The following CLDN19 variants were observed in gnomAD, a reference collection of about 807,000 sequenced individuals.
CLDN19 encodes claudin-19.
CLDN19 carries 19 observed loss-of-function variants against 24.5 expected under a neutral mutation model. The observed-to-expected ratio is 0.78, with a 90% CI of 0.54 to 1.14. CLDN19 has a LOEUF of 1.14. Among genes scored for constraint, CLDN19 ranks in the 50% most tolerant of loss-of-function variants. The pLI is 0.00. For synonymous variants in CLDN19, 117 were observed against 129.6 expected, an observed-to-expected ratio of 0.90 and a Z score of 0.66; for missense variants, 250 against 295.9, an observed-to-expected ratio of 0.84 and a Z score of 1.14.
rs555514529 is a variant in CLDN19 at position 42,739,491 on chromosome 1, G to C, written c.223+350C>G. Among the ~76,000 whole-genome samples the C allele has an allele frequency of 3.9e-5, 6 of 152,352 alleles. No individual in the cohort carries two copies. In the South Asian group the frequency reaches 1.2e-3, roughly 32 times the overall value. On this transcript the variant is annotated intron_variant, in intron 1 of 4. Transcript: ENST00000296387. ...AGTGTGTGTCTGTCTACTGACTGTG[G>C]GGAGAAGTGGATGAAGGGTCTTAAC...
At chr1:42,735,279 G>C (rs544224952) in intron 4 of CLDN19, 145 bp from the exon 5 acceptor site, 21 of 1,529,710 alleles carry the variant, frequency 1.4e-5, no homozygotes, top group Middle Eastern at 2.3e-4. Flanking sequence ...GCCCATTCCC[G>C]GGGGCAGGGG....
At chr1:42,738,383 G>A (rs1188352302) in intron 2 of CLDN19, 38 bp downstream of exon 2, 1 of 1,613,662 alleles carries the variant, frequency 6.2e-7, no homozygotes, top group Admixed American at 1.7e-5. Flanking sequence ...GGGGCTGCCT[G>A]CCATGGTTGT....
rs760579671 is a variant in CLDN19, at chr1:42,740,077, G to A, written c.-14C>T. ...TGAGTTGGCCATGGCCCAGGAGAGA[G>A]GACCGAGGGTCCCAGGACTCAGAGC... On this transcript the variant is annotated 5_prime_UTR_variant, in exon 1 of 5. Transcript: ENST00000296387. The A allele has an allele frequency of 7.1e-6, 11 of 1,546,326 alleles. No homozygotes were observed. The highest frequency in any genetic ancestry group is 1.4e-5 in the African/African-American group (1 of 73,012).
rs986353018 is a variant in CLDN19, at chr1:42,739,718, G to T, written c.223+123C>A. The T allele has an allele frequency of 1.2e-5, 10 of 827,454 alleles. No individual in the cohort carries two copies. The South Asian group carries it at 1.5e-4, about 12-fold the overall frequency. 51.3% of individuals were successfully genotyped at this position (827,454 alleles called of 1,614,324 possible). A position where few individuals can be genotyped will look rare whatever the true frequency, so the allele number is the denominator to read the frequency against. ...CAATGGGCACAGGGCAGTAGTGGGG[G>T]AATTGTAGAGCGGAGGCTGGAGGTT... On this transcript the variant is annotated intron_variant, in intron 1 of 4. Coordinates refer to ENST00000296387, the MANE Select transcript of CLDN19 (RefSeq NM_148960.3).
chr1:42,735,707 T>TG, intron 4 of CLDN19, 171 bp downstream of exon 4: 1 of 1,457,044 alleles, frequency 6.9e-7, no homozygotes, highest in South Asian at 1.4e-5. Flanking sequence ...TCTGAGGATC[T>TG]GGGTCTCAGA....
At position 42,735,970 on chromosome 1, in the gene CLDN19, G is replaced by A. The variant is rs140842024; in HGVS notation, c.534C>T (p.Gly178=). The A allele has an allele frequency of 7.4e-5, 117 of 1,574,300 alleles. 1 individual carries two copies. Among genetic ancestry groups the A allele is most frequent in the African/African-American group, 3.4e-4 (25 of 74,280 alleles). The change falls in exon 4 of 5, where the codon GGC becomes GGT. Residue 178 remains glycine, a synonymous_variant. Transcript: ENST00000296387. ...GWASAGLAVL[G]GSFLCCTCPE... is the part of the protein sequence containing the mutation. ...GGCATGTGCAGCAGAGGAAGGAGCC[G>A]CCCAGCACGGCCAGGCCAGCTGAGG...
Position 42,738,495 on chromosome 1 carries a change from G to C in CLDN19, c.314C>G (p.Thr105Arg). 2 of 1,614,030 alleles carry C rather than the reference G, an allele frequency of 1.2e-6. No homozygotes were observed. Among genetic ancestry groups the C allele is most frequent in the Non-Finnish European group, 1.7e-6 (2 of 1,180,040 alleles). Reference protein sequence around the residue: ...MVLSVVGMKCTRVGDSNPIAK... With the variant: ...MVLSVVGMKCRRVGDSNPIAK... Reference sequence around the variant, plus strand: ...AATGGGGTTGCTGTCTCCCACCCGCGTACACTTCATGCCAACTACGCTGAG... The same window carrying C: ...AATGGGGTTGCTGTCTCCCACCCGCCTACACTTCATGCCAACTACGCTGAG... Residue 105 changes from threonine to arginine, a missense_variant, in exon 2 of 5, where the codon ACG becomes AGG. Transcript: ENST00000296387.
Position 42,736,030 on chromosome 1 carries a change from C to A in CLDN19, c.474G>T (p.Arg158Ser). ...FFNPSTPVNA[R>S]YEFGPALFVG... Reference sequence around the variant, plus strand: ...CGAACAGGGCTGGGCCAAATTCATACCTGCAAGGGGTAGGGAGAGTGGCAT... The same window carrying A: ...CGAACAGGGCTGGGCCAAATTCATAACTGCAAGGGGTAGGGAGAGTGGCAT... The change falls in exon 4 of 5, where the codon AGG (arginine) becomes AGT (serine). Residue 158 changes from arginine to serine, a missense_variant and splice_region_variant. Transcript: ENST00000296387. 1.9e-6 allele frequency: 3 copies of A among 1,569,058 alleles called. No homozygotes were observed. Among genetic ancestry groups the A allele is most frequent in the Non-Finnish European group, 2.6e-6 (3 of 1,156,120 alleles).
chr1:42,735,568 G>T, intron 4 of CLDN19: 2 of 1,422,618 alleles, frequency 1.4e-6, no homozygotes, highest in Non-Finnish European at 1.8e-6. Context: ...TGAGTAAACA[G>T]CCGGGCTGGT....
At chr1:42,736,392 A>C (rs1409011858) in intron 3 of CLDN19, among the ~76,000 whole-genome samples, 1 of 151,860 alleles carries the variant, frequency 6.6e-6, no homozygotes. Context: ...GTTTTTTCCC[A>C]GTCACATTCT....
At chr1:42,735,252 C>G in intron 4 of CLDN19, 118 bp from the exon 5 acceptor site, 1 of 1,557,922 alleles carries the variant, frequency 6.4e-7, no homozygotes, top group South Asian at 1.2e-5. Context: ...TTGGCCCTCA[C>G]AGCAGCCCTG....
chr1:42,735,060 G>A lies in CLDN19; in HGVS notation c.*26C>T, dbSNP rs748064968. On this transcript the variant is annotated 3_prime_UTR_variant, in exon 5 of 5. Transcript: ENST00000296387. Reference sequence around the variant, plus strand: ...AACACACAGTCTAGGTATGGCAGGGGACAGAGCCTGGCTGGGGACTGGACA... The same window carrying A: ...AACACACAGTCTAGGTATGGCAGGGAACAGAGCCTGGCTGGGGACTGGACA... The A allele has an allele frequency of 6.5e-7, 1 of 1,545,096 alleles. No homozygotes were observed. Among genetic ancestry groups the A allele is most frequent in the Admixed American group, 1.7e-5 (1 of 59,774 alleles).
chr1:42,736,209 A>G (rs1410030396), intron 3 of CLDN19, among the ~76,000 whole-genome samples, 179 bp from the exon 4 acceptor site: 6 of 152,064 alleles, frequency 3.9e-5, no homozygotes, highest in Admixed American at 3.3e-4. Context: ...CCCCCAGCCC[A>G]GAATATCAAC....
At chr1:42,739,790 T>C (rs1278927349) in intron 1 of CLDN19, 51 bp downstream of exon 1, 1 of 1,506,038 alleles carries the variant, frequency 6.6e-7, no homozygotes, top group Admixed American at 1.7e-5. Flanking sequence ...TGCTCCAGAC[T>C]CCCCTGCTGT....
At chr1:42,737,389 C>A in intron 3 of CLDN19, among the ~76,000 whole-genome samples, 1 of 152,218 alleles carries the variant, frequency 6.6e-6, no homozygotes, top group Non-Finnish European at 1.5e-5. Flanking sequence ...GCAAGGCCCT[C>A]CACGATCTGC....
rs1237543232 is a variant in CLDN19, at chr1:42,738,268, G to T, written c.434C>A (p.Thr145Asn). 1.9e-6 allele frequency: 3 copies of T among 1,613,910 alleles called. No individual in the cohort carries two copies. The South Asian group carries it at 3.3e-5, about 18-fold the overall frequency. The change falls in exon 3 of 5, where the codon ACC becomes AAC. Residue 145 changes from threonine to asparagine, a missense_variant. Thr to Asn is a moderately conservative substitution (Grantham distance 65). Transcript: ENST00000296387. ...TAVSWYATLV[T>N]QEFFNPSTPV... ...TGTGCTTGGGTTGAAGAACTCCTGG[G>T]TCACCAGGGTGGCATACCACGAGAC...
chr1:42,735,550 C>A, intron 4 of CLDN19: 1 of 1,420,142 alleles, frequency 7.0e-7, no homozygotes, highest in Non-Finnish European at 9.2e-7. Context: ...ACCCAAGCAG[C>A]TCTTCAGTGA....
In CLDN19 at chr1:42,735,028, A is replaced by C. The variant is rs1230470801; in HGVS notation, c.*58T>G. 1 of 1,387,586 alleles carries C rather than the reference A, an allele frequency of 7.2e-7. No homozygotes were observed. Among genetic ancestry groups the C allele is most frequent in the Admixed American group, 1.7e-5 (1 of 57,898 alleles). The allele number at this position is 1,387,586 out of a possible 1,614,324, so 86.0% of individuals were successfully genotyped here. Reference sequence around the variant, plus strand: ...GGATGTTCACTTCTCTTTCCAAAAAAATATGAAACACACAGTCTAGGTATG... The same window carrying C: ...GGATGTTCACTTCTCTTTCCAAAAACATATGAAACACACAGTCTAGGTATG... On this transcript the variant is annotated 3_prime_UTR_variant, in exon 5 of 5. Transcript: ENST00000296387.
chr1:42,739,837 C>A lies in CLDN19; in HGVS notation c.223+4G>T. 6.2e-7 allele frequency: 1 copy of A among 1,612,420 alleles called. No homozygotes were observed. Among genetic ancestry groups the A allele is most frequent in the Non-Finnish European group, 8.5e-7 (1 of 1,179,578 alleles). ...ATCTCCCACCCCGCCGGCCTGGGGC[C>A]TACCGTCCAGGGCGAGCAGCGAGTC... On this transcript the variant is annotated splice_donor_region_variant and intron_variant, in intron 1 of 4. Coordinates refer to ENST00000296387, the MANE Select transcript of CLDN19 (RefSeq NM_148960.3).
Sources: allele counts gnomAD v4.1 joint callset (sites outside exome capture counted in the v4.1 genomes callset), GRCh38; gene constraint gnomAD v4.1.1; transcripts MANE v1.5; gene names NCBI Gene and HGNC (gene_info 2026-07-23, HGNC 2026-07-21).